The following SHISA6 variants were observed in gnomAD, a reference collection of about 807,000 sequenced individuals.
The protein encoded by SHISA6 is protein shisa-6.
Under a neutral mutation model 47.9 loss-of-function variants are expected in SHISA6, and 22 were observed. That is an observed-to-expected ratio of 0.46 (90% confidence interval 0.33 to 0.66). The LOEUF is 0.66. Ranked by LOEUF, SHISA6 falls within the 30% of genes least tolerant of loss-of-function variation. The pLI is 0.02. For synonymous variants in SHISA6, 388 were observed against 337.8 expected (o/e 1.15, Z -1.63); for missense variants, 680 against 764.6 (o/e 0.89, Z 1.30).
At chr17:11,341,590 T>C (rs1387537471) in intron 2 of SHISA6, among the ~76,000 whole-genome samples, 1 of 151,996 alleles carries the variant, frequency 6.6e-6, no homozygotes, top group African/African-American at 2.4e-5. Context: ...CGCCTCAGCC[T>C]CCCAAAGTGC....
chr17:11,348,235 T>A (rs11871872), intron 2 of SHISA6, among the ~76,000 whole-genome samples: 2,337 of 152,222 alleles, frequency 0.015, 56 homozygotes, highest in African/African-American at 0.053. Context: ...TTTGCTCTAT[T>A]TATGGGACCA....
chr17:11,317,799 A>G (rs1910574841), intron 2 of SHISA6, among the ~76,000 whole-genome samples: 1 of 151,568 alleles, frequency 6.6e-6, no homozygotes, highest in Admixed American at 6.6e-5. Flanking sequence ...GAGTGTTTAT[A>G]TTTCTGAAAA....
At chr17:11,308,998 TCTGTCACCCAGG>T (rs1910226396) in intron 2 of SHISA6, among the ~76,000 whole-genome samples, 1 of 152,142 alleles carries the variant, frequency 6.6e-6, no homozygotes, top group Admixed American at 6.5e-5. Flanking sequence ...AGGGTCTTGC[TCTGTCACCCAGG>T]CTGGAATGCA....
chr17:11,307,839 A>G (rs1473756832), intron 2 of SHISA6, among the ~76,000 whole-genome samples: 1 of 151,260 alleles, frequency 6.6e-6, no homozygotes, highest in Non-Finnish European at 1.5e-5. Flanking sequence ...GAAAATTGTT[A>G]CATAGATAGG....
chr17:11,297,738 C>T (rs1452600221), intron 2 of SHISA6, among the ~76,000 whole-genome samples: 1 of 152,174 alleles, frequency 6.6e-6, no homozygotes, highest in African/African-American at 2.4e-5. Context: ...CTGCTAGGAC[C>T]CTGTCCCATC....
chr17:11,361,162 C>A (rs1912269390), intron 2 of SHISA6, among the ~76,000 whole-genome samples: 1 of 151,284 alleles, frequency 6.6e-6, no homozygotes, highest in Non-Finnish European at 1.5e-5. Context: ...AATCTTTTTT[C>A]AAAATGTCTT....
chr17:11,416,856 T>A (rs1204258437), intron 3 of SHISA6, among the ~76,000 whole-genome samples: 1 of 152,170 alleles, frequency 6.6e-6, no homozygotes, highest in Non-Finnish European at 1.5e-5. Context: ...TATGTCTGAC[T>A]TAACCCTTTC....
chr17:11,472,368 C>CTTTAGT (rs1461540462), intron 3 of SHISA6, among the ~76,000 whole-genome samples: 1 of 152,072 alleles, frequency 6.6e-6, no homozygotes, highest in Non-Finnish European at 1.5e-5. Flanking sequence ...GGCTAATTTT[C>CTTTAGT]TTTAGTTTTT....
intron 3 of SHISA6, among the ~76,000 whole-genome samples, chr17:11,427,126 T>TTTG (rs556894783): frequency 2.7e-4 from 41 of 152,022 alleles, no homozygotes; most frequent in Middle Eastern, 3.4e-3. Context: ...CTTTCGTATG[T>TTTG]TTGTTGTTGT....
chr17:11,270,953 G>C (rs1908621479), intron 2 of SHISA6, among the ~76,000 whole-genome samples: 1 of 152,190 alleles, frequency 6.6e-6, no homozygotes, highest in Non-Finnish European at 1.5e-5. Context: ...GCTTGATTCT[G>C]ATTTTATAGC....
At chr17:11,330,489 G>GGGGAGAGA (rs138793264) in intron 2 of SHISA6, among the ~76,000 whole-genome samples, 2 of 147,548 alleles carry the variant, frequency 1.4e-5, no homozygotes, top group African/African-American at 5.1e-5. Flanking sequence ...GTAATGCTAG[G>GGGGAGAGA]GAGAGAGAGA....
chr17:11,469,018 CAAAAAAAAAAAAA>C (rs61191316), intron 3 of SHISA6, among the ~76,000 whole-genome samples: 4 of 46,068 alleles, frequency 8.7e-5, no homozygotes, highest in East Asian at 8.9e-4. Context: ...GACTCCGTCT[CAAAAAAAAAAAAA>C]AAAAAAAAAA....
chr17:11,468,989 A>G (rs1443151714), intron 3 of SHISA6, among the ~76,000 whole-genome samples: 1 of 131,100 alleles, frequency 7.6e-6, no homozygotes, highest in Non-Finnish European at 1.5e-5. Context: ...ACTGCACTCC[A>G]GCCTGGGCAA....
chr17:11,557,758 C>T lies in SHISA6; in HGVS notation c.1110C>T (p.Asp370=). Residue 370 remains aspartate (D), a synonymous_variant, in exon 6 of 6, where the codon GAC becomes GAT. Transcript: ENST00000441885. ...CACTCTGTCTCTCCCCTGCAGCCGA[C>T]AAGGAGGCTGACGAGTATTACATGA... is the stretch of plus-strand genomic sequence containing the variant. The part of the protein sequence containing the change: ...SKYSSLKRLT[D]KEADEYYMRR... The T allele has an allele frequency of 6.5e-7, 1 of 1,540,604 alleles. No individual in the cohort carries two copies. The highest frequency in any genetic ancestry group is 1.7e-4 in the Middle Eastern group (1 of 5,928).
chr17:11,481,366 G>GTGTA lies in SHISA6; in HGVS notation c.896-70529_896-70528insGTAT, dbSNP rs1471058482. 3.3e-3 allele frequency among the ~76,000 whole-genome samples: 367 copies of GTGTA among 110,264 alleles called. 4 individuals carry two copies. Among genetic ancestry groups the GTGTA allele is most frequent in the African/African-American group, 0.011 (317 of 30,152 alleles). 72.3% of individuals were successfully genotyped at this position (110,264 alleles called of 152,430 possible). On this transcript the variant is annotated intron_variant, in intron 3 of 5. Transcript: ENST00000441885. The stretch of plus-strand genomic sequence containing the variant: ...TGTGTGTGTGTGTGTGTGTGTGTGT[G>GTGTA]TATATATATATATATATATATTTAG...
intron 2 of SHISA6, among the ~76,000 whole-genome samples, chr17:11,299,474 T>C (rs1360287316): frequency 6.6e-6 from 1 of 152,202 alleles, no homozygotes; most frequent in Non-Finnish European, 1.5e-5. Flanking sequence ...CACAAATTTA[T>C]TCCCTGTGAT....
intron 2 of SHISA6, among the ~76,000 whole-genome samples, chr17:11,272,996 G>A (rs1256756850): frequency 6.6e-6 from 1 of 152,202 alleles, no homozygotes; most frequent in Non-Finnish European, 1.5e-5. Context: ...GCCAGAGAGA[G>A]TGATACGGCT....
intron 3 of SHISA6, among the ~76,000 whole-genome samples, chr17:11,477,950 G>C (rs1462000500): frequency 5.3e-5 from 7 of 132,810 alleles, no homozygotes; most frequent in Non-Finnish European, 7.9e-5. Context: ...TGGGATGGCT[G>C]GGTCAAATGG....
At chr17:11,389,409 G>T (rs537338336) in intron 3 of SHISA6, among the ~76,000 whole-genome samples, 2 of 152,156 alleles carry the variant, frequency 1.3e-5, no homozygotes, top group Non-Finnish European at 2.9e-5. Context: ...AATAACTCAG[G>T]CATAGCTGGA....
Sources: gnomAD v4.1 joint callset for allele counts (sites outside exome capture counted in the v4.1 genomes callset) on GRCh38, gnomAD v4.1.1 for gene constraint, MANE v1.5 for transcripts, NCBI Gene and HGNC (gene_info 2026-07-23, HGNC 2026-07-21) for gene names.